Variants in CDH18 observed in about 807,000 individuals in gnomAD.
CDH18 encodes the protein cadherin-18.
A neutral mutation model predicts 67.9 loss-of-function variants in CDH18; 31 were observed. That is an observed-to-expected ratio of 0.46 (90% CI 0.34 to 0.62). The LOEUF (loss-of-function observed/expected upper bound fraction) is 0.62, where lower values mean the gene tolerates loss of function less well. Among genes scored for constraint, CDH18 ranks in the 20% least tolerant of loss-of-function variants. The pLI is 0.01. For synonymous variants in CDH18, 362 were observed against 347.2 expected (o/e 1.04, Z -0.48); for missense variants, 890 against 975.5 (o/e 0.91, Z 1.17).
intron 1 of CDH18, among the ~76,000 whole-genome samples, chr5:20,408,075 T>C (rs1421453021): frequency 2.0e-5 from 3 of 151,918 alleles, no homozygotes; most frequent in Non-Finnish European, 2.9e-5. Context: ...TACCTCTCAG[T>C]AGAAACTTTT....
intron 2 of CDH18, among the ~76,000 whole-genome samples, chr5:20,158,032 G>A (rs1751689350): frequency 1.3e-5 from 2 of 152,088 alleles, no homozygotes; most frequent in South Asian, 4.1e-4. Flanking sequence ...ATTTAGCTCA[G>A]ACATAGGGAA....
chr5:20,311,696 T>C (rs1036619776), intron 1 of CDH18, among the ~76,000 whole-genome samples: 1 of 152,134 alleles, frequency 6.6e-6, no homozygotes, highest in African/African-American at 2.4e-5. Context: ...CTAATGTAGA[T>C]GATGAGTTGA....
At chr5:20,563,371 A>T (rs1436664025) in intron 1 of CDH18, among the ~76,000 whole-genome samples, 2 of 152,116 alleles carry the variant, frequency 1.3e-5, no homozygotes, top group Non-Finnish European at 1.5e-5. Flanking sequence ...TTTGAAGCAC[A>T]GTTTCAAGCT....
chr5:20,045,578 C>CAT (rs140756473), intron 2 of CDH18, among the ~76,000 whole-genome samples: 16,163 of 149,340 alleles, frequency 0.11, 913 homozygotes, highest in East Asian at 0.19. Flanking sequence ...ATAGAAAACA[C>CAT]ATATATATAT....
intron 1 of CDH18, among the ~76,000 whole-genome samples, chr5:20,367,168 A>T (rs763016955): frequency 1.3e-5 from 2 of 152,200 alleles, no homozygotes; most frequent in African/African-American, 2.4e-5. Context: ...GATTGAGAGC[A>T]GTAGATACAG....
intron 6 of CDH18, among the ~76,000 whole-genome samples, chr5:19,597,169 G>A (rs1027994097): frequency 2.0e-5 from 3 of 152,138 alleles, no homozygotes; most frequent in African/African-American, 7.2e-5. Context: ...AGTGATGCCT[G>A]CCAAAAGCCA....
intron 8 of CDH18, among the ~76,000 whole-genome samples, chr5:19,554,140 C>T (rs1378369083): frequency 6.6e-6 from 1 of 152,128 alleles, no homozygotes; most frequent in Non-Finnish European, 1.5e-5. Flanking sequence ...GGATGGACAG[C>T]ACACATGGCA....
intron 5 of CDH18, among the ~76,000 whole-genome samples, chr5:19,641,996 G>T (rs1416873791): frequency 6.6e-6 from 1 of 151,836 alleles, no homozygotes; most frequent in East Asian, 1.9e-4. Flanking sequence ...TAGTAAATTT[G>T]CAGGATCCCA....
intron 1 of CDH18, among the ~76,000 whole-genome samples, chr5:20,421,292 C>T (rs1165157508): frequency 6.6e-6 from 1 of 151,042 alleles, no homozygotes; most frequent in Non-Finnish European, 1.5e-5. Flanking sequence ...AAACCCCCAA[C>T]AGGTTCCTCC....
chr5:19,586,537 G>A (rs1038398242), intron 7 of CDH18, among the ~76,000 whole-genome samples: 53 of 152,260 alleles, frequency 3.5e-4, no homozygotes, highest in African/African-American at 1.2e-3. Flanking sequence ...GGACACGAAT[G>A]TAGTTCCTTT....
At chr5:20,358,075 A>T (rs1187016770) in intron 1 of CDH18, among the ~76,000 whole-genome samples, 2 of 152,318 alleles carry the variant, frequency 1.3e-5, no homozygotes, top group Admixed American at 1.3e-4. Context: ...ATATTCTCAC[A>T]TATAAGTGGA....
intron 1 of CDH18, among the ~76,000 whole-genome samples, chr5:20,521,188 A>G (rs925191616): frequency 6.6e-6 from 1 of 152,170 alleles, no homozygotes; most frequent in Non-Finnish European, 1.5e-5. Flanking sequence ...TGAGGTGTCA[A>G]TCAATGGCAA....
chr5:20,231,552 T>C (rs1742078795), intron 2 of CDH18, among the ~76,000 whole-genome samples: 1 of 150,954 alleles, frequency 6.6e-6, no homozygotes, highest in Admixed American at 6.6e-5. Flanking sequence ...TGAGCCAAGA[T>C]CGCACCATTG....
At chr5:19,631,791 C>T (rs1450087142) in intron 5 of CDH18, among the ~76,000 whole-genome samples, 1 of 152,080 alleles carries the variant, frequency 6.6e-6, no homozygotes, top group Non-Finnish European at 1.5e-5. Flanking sequence ...TTAAAAATAT[C>T]TATTTCCTTT....
rs368788588 is a variant in CDH18 at position 19,525,243 on chromosome 5, C to T, written c.1391-4465G>A. Among the ~76,000 whole-genome samples, 8 of 152,158 alleles carry T rather than the reference C, an allele frequency of 5.3e-5. No individual in the cohort carries two copies. In the South Asian group the frequency reaches 8.3e-4, roughly 16 times the overall value. On this transcript the variant is annotated intron_variant, in intron 9 of 12. Transcript: ENST00000382275. ...GCCTTGTTGCAGCTTTCCCCTGGGA[C>T]TGGAATGTCTTTTCATGCATTCCAC... is the stretch of plus-strand genomic sequence containing the variant.
intron 2 of CDH18, among the ~76,000 whole-genome samples, chr5:20,084,192 C>G (rs1744736963): frequency 6.6e-6 from 1 of 152,136 alleles, no homozygotes; most frequent in Admixed American, 6.5e-5. Context: ...GTAAATACAG[C>G]CTTTACAAGT....
At chr5:20,097,322 TG>T (rs1746074241) in intron 2 of CDH18, among the ~76,000 whole-genome samples, 1 of 152,106 alleles carries the variant, frequency 6.6e-6, no homozygotes, top group Admixed American at 6.6e-5. Context: ...TTGACATGGC[TG>T]GGGAGGCCTC....
intron 2 of CDH18, among the ~76,000 whole-genome samples, chr5:20,038,625 C>T (rs1300972804): frequency 2.0e-5 from 3 of 152,110 alleles, no homozygotes; most frequent in African/African-American, 4.8e-5. Flanking sequence ...CAGATTATGC[C>T]TTCAATAAAA....
intron 5 of CDH18, among the ~76,000 whole-genome samples, chr5:19,679,051 A>C (rs1468043254): frequency 6.6e-6 from 1 of 152,084 alleles, no homozygotes; most frequent in Non-Finnish European, 1.5e-5. Context: ...AATCCTCAAC[A>C]AAATACTAAC....
Sources: gnomAD v4.1 joint callset for allele counts (sites outside exome capture counted in the v4.1 genomes callset) on GRCh38, gnomAD v4.1.1 for gene constraint, MANE v1.5 for transcripts, NCBI Gene and HGNC (gene_info 2026-07-23, HGNC 2026-07-21) for gene names.